Variants in ADD1 observed in about 807,000 individuals in gnomAD.
ADD1 encodes adducin 1.
Under a neutral mutation model 80.5 loss-of-function variants are expected in ADD1, and 24 were observed. That is an observed-to-expected ratio of 0.30 (90% CI 0.22 to 0.42). ADD1 has a LOEUF of 0.42. ADD1 is among the 10% of genes least tolerant of loss of function. ADD1 has a pLI of 1.00. For synonymous variants in ADD1, 373 were observed against 393.8 expected (o/e 0.95, Z 0.63); for missense variants, 948 against 1,019.0 (o/e 0.93, Z 0.95).
intron 14 of ADD1, among the ~76,000 whole-genome samples, chr4:2,923,849 G>A (rs16843596): frequency 1.3e-5 from 2 of 152,264 alleles, no homozygotes; most frequent in Admixed American, 6.5e-5. Flanking sequence ...CGAGAACGAG[G>A]TTGTGCGTGG....
chr4:2,887,514 C>G (rs1207317189), intron 4 of ADD1: 1 of 152,092 alleles, frequency 6.6e-6, no homozygotes, highest in African/African-American at 2.4e-5. Flanking sequence ...GGCTTCCTCT[C>G]TCGGTGGCAC....
chr4:2,884,902 CTAAG>C (rs1732996534), intron 4 of ADD1, among the ~76,000 whole-genome samples: 1 of 152,186 alleles, frequency 6.6e-6, no homozygotes, highest in South Asian at 2.1e-4. Flanking sequence ...AATAAAACAA[CTAAG>C]TGTTTACCAG....
intron 13 of ADD1, among the ~76,000 whole-genome samples, chr4:2,912,784 C>A (rs1364290433): frequency 2.0e-5 from 3 of 152,192 alleles, no homozygotes; most frequent in Non-Finnish European, 4.4e-5. Context: ...GCCTTGGCCT[C>A]CCAAAGTGCT....
At chr4:2,850,704 C>T (rs1472285016) in intron 1 of ADD1, among the ~76,000 whole-genome samples, 2 of 150,864 alleles carry the variant, frequency 1.3e-5, no homozygotes, top group East Asian at 2.0e-4. Context: ...GGATTACAGG[C>T]GTGAGCCACC....
chr4:2,902,618 TAC>T (rs1324810592), intron 9 of ADD1: 2 of 152,090 alleles, frequency 1.3e-5, no homozygotes, highest in Non-Finnish European at 2.9e-5. Context: ...TAATCCCAGC[TAC>T]TCGGGAGGCT....
chr4:2,886,848 A>G (rs1375704528), intron 4 of ADD1, among the ~76,000 whole-genome samples: 1 of 152,186 alleles, frequency 6.6e-6, no homozygotes, highest in African/African-American at 2.4e-5. Context: ...ACTTGACAGA[A>G]TGCTGTGGTG....
At chr4:2,922,611 A>G (rs1345762380) in intron 14 of ADD1, among the ~76,000 whole-genome samples, 1 of 152,244 alleles carries the variant, frequency 6.6e-6, no homozygotes. Context: ...CAGGAGGCAC[A>G]GGGGTCAGGG....
chr4:2,876,182 T>C lies in ADD1; in HGVS notation c.195+72T>C. On this transcript the variant is annotated intron_variant, in intron 2 of 15. Coordinates refer to ENST00000683351, the MANE Select transcript of ADD1 (RefSeq NM_001354761.2). ...CTAATACTTCAGGTCTTATGCCCTG[T>C]TGTATGAGTGGCATAGTTCATTGAT... 3.5e-6 allele frequency: 5 copies of C among 1,418,228 alleles called. No homozygotes were observed. In the South Asian group the frequency reaches 4.2e-5, roughly 12 times the overall value. The allele number at this position is 1,418,228 out of a possible 1,614,324, so 87.9% of individuals were successfully genotyped here.
At chr4:2,903,220 C>T (rs1736483775) in intron 9 of ADD1, among the ~76,000 whole-genome samples, 5 of 152,220 alleles carry the variant, frequency 3.3e-5, no homozygotes, top group Admixed American at 2.6e-4. Flanking sequence ...GCAGTCCCTC[C>T]AAGTCCTGAT....
At chr4:2,927,678 T>C (rs752080137) in intron 15 of ADD1, among the ~76,000 whole-genome samples, 3 of 152,258 alleles carry the variant, frequency 2.0e-5, no homozygotes, top group Non-Finnish European at 2.9e-5. Flanking sequence ...GGCTTTGTTC[T>C]TTTGGATGTT....
chr4:2,903,372 C>T (rs747982069), intron 9 of ADD1, among the ~76,000 whole-genome samples: 5 of 152,190 alleles, frequency 3.3e-5, no homozygotes, highest in African/African-American at 7.2e-5. Flanking sequence ...CTGGTGGCTT[C>T]GAACAGCAGC....
In ADD1 at chr4:2,898,345, C is replaced by T; in HGVS notation, c.885+18C>T. 1 of 1,614,206 alleles carries T rather than the reference C, an allele frequency of 6.2e-7. No individual in the cohort carries two copies. The highest frequency in any genetic ancestry group is 8.5e-7 in the Non-Finnish European group (1 of 1,180,042). On this transcript the variant is annotated intron_variant, in intron 7 of 15. Coordinates refer to ENST00000683351, the MANE Select transcript of ADD1 (RefSeq NM_001354761.2). ...AAAGCAAGGTCAGTAGGCATCTAAT[C>T]TGGTATTTAAATTACAGCAGAAAGA...
Position 2,904,854 on chromosome 4 carries a change from G to C in ADD1, c.1252G>C (p.Gly418Arg). The C allele has an allele frequency of 1.2e-6, 2 of 1,614,166 alleles. No homozygotes were observed. Among genetic ancestry groups the C allele is most frequent in the Non-Finnish European group, 8.5e-7 (1 of 1,180,030 alleles). ...TGTGGAGGTTCCTGCTAGTGTCACA[G>C]GTTACTCCTTTGCTAGTGACGGTGA... ...SDVEVPASVT[G>R]YSFASDGDSG... Residue 418 changes from glycine (G) to arginine (R), a missense_variant, in exon 10 of 16, where the codon GGT becomes CGT. By Grantham distance (125) the Gly-to-Arg change is moderately radical. Coordinates refer to ENST00000683351, the MANE Select transcript of ADD1 (RefSeq NM_001354761.2).
chr4:2,926,820 G>A lies in ADD1; in HGVS notation c.2047+708G>A. 1.1e-6 allele frequency: 1 copy of A among 940,206 alleles called. No individual in the cohort carries two copies. Among genetic ancestry groups the A allele is most frequent in the Non-Finnish European group, 1.6e-6 (1 of 631,946 alleles). The allele number at this position is 940,206 out of a possible 1,614,324, so 58.2% of individuals were successfully genotyped here. On this transcript the variant is annotated intron_variant, in intron 15 of 15. Coordinates refer to ENST00000683351, the MANE Select transcript of ADD1 (RefSeq NM_001354761.2). The surrounding 1 kb of genome is among the most constrained non-coding windows in gnomAD (Gnocchi z 5.0). ...CTTTTTTGTACCCAGTCCCTTGGAG[G>A]CCTTCCTGGAAGTGGTTCAGTCACC... is the stretch of plus-strand genomic sequence containing the variant.
At chr4:2,898,381 A>T (rs1735612037) in intron 7 of ADD1, 52 bp from the exon 8 acceptor site, 1 of 1,614,042 alleles carries the variant, frequency 6.2e-7, no homozygotes, top group African/African-American at 1.3e-5. Flanking sequence ...AGAATAAAGC[A>T]AAGGACCAGT....
rs762839049 is a variant in ADD1, at chr4:2,928,186, C to T, written c.2063C>T (p.Pro688Leu). The change falls in exon 16 of 16, where the codon CCG (proline) becomes CTG (leucine). Residue 688 changes from proline to leucine, a missense_variant. By Grantham distance (98) the Pro-to-Leu change is moderately conservative. Transcript: ENST00000683351. ...CACCCACTAGACCTTGTGCCGGAGC[C>T]GACTACTGGAGATGACAGTGATGCT... ...IKLEEDLVPE[P>L]TTGDDSDAAT... 19 of 1,614,056 alleles carry T rather than the reference C, an allele frequency of 1.2e-5. 1 individual carries two copies. The highest frequency in any genetic ancestry group is 4.5e-5 in the East Asian group (2 of 44,870).
At chr4:2,850,988 T>C (rs986240944) in intron 1 of ADD1, among the ~76,000 whole-genome samples, 3 of 152,178 alleles carry the variant, frequency 2.0e-5, no homozygotes, top group African/African-American at 7.2e-5. Flanking sequence ...TCTTTTTGGG[T>C]GTTGAAAATG....
chr4:2,855,997 T>C (rs371794834), intron 1 of ADD1, among the ~76,000 whole-genome samples: 80 of 142,588 alleles, frequency 5.6e-4, no homozygotes, highest in African/African-American at 1.9e-3. Flanking sequence ...CCATTGGGCA[T>C]GGTGGTGCAT....
intron 1 of ADD1, among the ~76,000 whole-genome samples, chr4:2,867,169 T>A (rs185493310): frequency 5.7e-4 from 87 of 152,346 alleles, no homozygotes; most frequent in Non-Finnish European, 1.1e-3. Flanking sequence ...CGAGTGTGTG[T>A]GAGAACATTG....
Sources: allele counts gnomAD v4.1 joint callset (sites outside exome capture counted in the v4.1 genomes callset), GRCh38; gene constraint gnomAD v4.1.1; non-coding constraint Gnocchi (gnomAD v3.1); transcripts MANE v1.5; gene names NCBI Gene and HGNC (gene_info 2026-07-23, HGNC 2026-07-21).